Variants in SRBD1 observed in about 807,000 individuals in gnomAD.
SRBD1 encodes the protein S1 RNA binding domain 1, also known as S1 RNA-binding domain-containing protein 1.
In SRBD1, 88 loss-of-function variants were observed where a neutral mutation model predicts 115.3. That is an observed-to-expected ratio of 0.76 (90% CI 0.64 to 0.91). SRBD1 has a LOEUF of 0.91. Among genes scored for constraint, SRBD1 ranks in the 40% least tolerant of loss-of-function variants. The probability of loss-of-function intolerance (pLI) is 0.00; values close to 1 mark genes in which losing one functional copy is unlikely to be tolerated. For missense variants in SRBD1, 1,385 were observed against 1,177.4 expected (o/e 1.18, Z -2.58); for synonymous variants, 509 against 407.7 (o/e 1.25, Z -2.99).
intron 9 of SRBD1, among the ~76,000 whole-genome samples, chr2:45,572,934 C>A (rs1447005745): frequency 6.6e-6 from 1 of 152,066 alleles, no homozygotes; most frequent in Non-Finnish European, 1.5e-5. Flanking sequence ...GAAGCAGAGT[C>A]TAACAAAAAG....
chr2:45,605,392 A>C lies in SRBD1; in HGVS notation c.50T>G (p.Leu17Arg). Residue 17 changes from leucine to arginine, a missense_variant, in exon 2 of 21, where the codon CTG (leucine) becomes CGG (arginine). By Grantham distance (102) the Leu-to-Arg change is moderately radical. Transcript: ENST00000263736. ...RAKVQVQDVV[L>R]KDEFSSFSEL... ...AGAGAATGAAGAAAATTCATCTTTCAGTACCACATCCTGGACCTGTACTTT... is the reference window on the plus strand; with the variant it reads ...AGAGAATGAAGAAAATTCATCTTTCCGTACCACATCCTGGACCTGTACTTT... The C allele has an allele frequency of 6.2e-7, 1 of 1,613,788 alleles. No individual in the cohort carries two copies. The highest frequency in any genetic ancestry group is 1.7e-5 in the Admixed American group (1 of 60,016).
chr2:45,438,374 G>A (rs1668564192), intron 16 of SRBD1, among the ~76,000 whole-genome samples: 1 of 152,164 alleles, frequency 6.6e-6, no homozygotes, highest in African/African-American at 2.4e-5. Context: ...GCAGGCACAT[G>A]TGACCAATAA....
intron 15 of SRBD1, among the ~76,000 whole-genome samples, chr2:45,478,413 T>A (rs747183747): frequency 1.3e-5 from 2 of 152,210 alleles, no homozygotes; most frequent in Non-Finnish European, 2.9e-5. Context: ...CTTTTTCACA[T>A]CCTTTATTAC....
intron 14 of SRBD1, among the ~76,000 whole-genome samples, chr2:45,499,187 TCTAA>T (rs1488944154): frequency 1.1e-4 from 16 of 152,180 alleles, no homozygotes; most frequent in African/African-American, 3.6e-4. Context: ...GATAAGTCAT[TCTAA>T]CTGTGGTGAA....
At chr2:45,594,944 T>G (rs934768989) in intron 4 of SRBD1, among the ~76,000 whole-genome samples, 2 of 152,234 alleles carry the variant, frequency 1.3e-5, no homozygotes, top group African/African-American at 4.8e-5. Flanking sequence ...TATCTGTTAT[T>G]TTTCTATTTT....
At chr2:45,480,932 G>T (rs938577553) in intron 15 of SRBD1, among the ~76,000 whole-genome samples, 5 of 152,154 alleles carry the variant, frequency 3.3e-5, no homozygotes, top group African/African-American at 1.2e-4. Flanking sequence ...TTTGTGAGAG[G>T]AGAGTCCATT....
chr2:45,568,710 TTTTAA>T (rs1672913277), intron 9 of SRBD1, among the ~76,000 whole-genome samples: 1 of 152,128 alleles, frequency 6.6e-6, no homozygotes. Context: ...GAAGGCTAGG[TTTTAA>T]CAGAATAAAA....
chr2:45,525,064 G>A (rs1041977723), intron 14 of SRBD1, among the ~76,000 whole-genome samples: 2 of 151,810 alleles, frequency 1.3e-5, no homozygotes, highest in African/African-American at 4.8e-5. Context: ...ACAAATGTCG[G>A]TAGGACTACT....
chr2:45,569,489 A>T (rs1352451610), intron 9 of SRBD1: 1 of 152,238 alleles, frequency 6.6e-6, no homozygotes, highest in Non-Finnish European at 1.5e-5. Flanking sequence ...CCACCATGCA[A>T]AACAATTACA....
rs750721792 is a variant in SRBD1 at position 45,389,552 on chromosome 2, G to A, written c.2746C>T (p.Leu916=). Residue 916 remains leucine, a synonymous_variant, in exon 21 of 21, where the codon CTG becomes TTG. Coordinates refer to ENST00000263736, the MANE Select transcript of SRBD1 (RefSeq NM_018079.5). ...CCTGTAAGAACTGTCCCAATCTGCAGATCTTCCAGGCATACTATGCTTCTC... is the reference window on the plus strand; with the variant it reads ...CCTGTAAGAACTGTCCCAATCTGCAAATCTTCCAGGCATACTATGCTTCTC... ...FKRSIVCLED[L]QIGTVLTGKV... 1.2e-5 allele frequency: 19 copies of A among 1,613,880 alleles called. No homozygotes were observed. In the Admixed American group the frequency reaches 1.7e-4, roughly 14 times the overall value.
At chr2:45,412,312 G>C (rs758251415) in intron 19 of SRBD1, among the ~76,000 whole-genome samples, 2 of 151,976 alleles carry the variant, frequency 1.3e-5, no homozygotes, top group African/African-American at 2.4e-5. Flanking sequence ...GAACTAGTTG[G>C]ATGTTCACAG....
At chr2:45,499,848 G>C (rs1670572492) in intron 14 of SRBD1, among the ~76,000 whole-genome samples, 1 of 150,446 alleles carries the variant, frequency 6.6e-6, no homozygotes, top group South Asian at 2.1e-4. Context: ...TGTTCCATTG[G>C]TCTATGTGTC....
At chr2:45,460,221 G>A (rs887804171) in intron 16 of SRBD1, among the ~76,000 whole-genome samples, 4 of 152,152 alleles carry the variant, frequency 2.6e-5, no homozygotes, top group African/African-American at 7.2e-5. Flanking sequence ...CACTGGGTCA[G>A]TGTTCAGTTA....
chr2:45,418,540 G>A lies in SRBD1; in HGVS notation c.2158C>T (p.His720Tyr), dbSNP rs1436412168. ...INICSEVLLR[H>Y]IAGLNANRAK... Reference sequence around the variant, plus strand: ...CTGTTGGCATTGAGTCCTGCAATATGCCTAGAAAAAAAAAATAAGCAAACT... The same window carrying A: ...CTGTTGGCATTGAGTCCTGCAATATACCTAGAAAAAAAAAATAAGCAAACT... The change falls in exon 18 of 21, where the codon CAT (histidine) becomes TAT (tyrosine). Residue 720 changes from histidine to tyrosine, a missense_variant and splice_region_variant. Coordinates refer to ENST00000263736, the MANE Select transcript of SRBD1 (RefSeq NM_018079.5). 1 of 1,580,404 alleles carries A rather than the reference G, an allele frequency of 6.3e-7. No homozygotes were observed. Among genetic ancestry groups the A allele is most frequent in the African/African-American group, 1.4e-5 (1 of 72,050 alleles).
chr2:45,538,869 G>C (rs1051859290), intron 14 of SRBD1, among the ~76,000 whole-genome samples: 9 of 151,896 alleles, frequency 5.9e-5, no homozygotes, highest in African/African-American at 2.2e-4. Context: ...TTTCCTCTGG[G>C]TATTTTTCTG....
chr2:45,507,974 T>C (rs1338576736), intron 14 of SRBD1, among the ~76,000 whole-genome samples: 1 of 152,262 alleles, frequency 6.6e-6, no homozygotes, highest in East Asian at 1.9e-4. Context: ...CCTGGTCTAA[T>C]CTTACCTAAA....
Position 45,551,215 on chromosome 2 carries a change from G to T in SRBD1, c.1585C>A (p.Leu529Ile). 3.1e-6 allele frequency: 5 copies of T among 1,613,000 alleles called. No homozygotes were observed. The South Asian group carries it at 5.5e-5, about 18-fold the overall frequency. The change falls in exon 12 of 21, where the codon CTT becomes ATT. Residue 529 changes from leucine (L) to isoleucine (I), a missense_variant. Leu to Ile is a conservative substitution (Grantham distance 5). Coordinates refer to ENST00000263736, the MANE Select transcript of SRBD1 (RefSeq NM_018079.5). ...CGCCCTGGAACAGGGCTTGTTAAAA[G>T]GAGCTGACGAAGGTTCCGTCCAAAC... is the stretch of plus-strand genomic sequence containing the variant. ...MMFGRNLRQL[L>I]LTSPVPGRTL...
chr2:45,410,045 C>T (rs916082496), intron 19 of SRBD1, among the ~76,000 whole-genome samples: 1 of 151,928 alleles, frequency 6.6e-6, no homozygotes, highest in Non-Finnish European at 1.5e-5. Flanking sequence ...TTAAAACCCC[C>T]AAAACTCAAT....
intron 13 of SRBD1, 151 bp downstream of exon 13, chr2:45,547,371 T>C: frequency 1.6e-6 from 1 of 619,474 alleles, no homozygotes; most frequent in Non-Finnish European, 2.8e-6. Context: ...CATGCAGAGT[T>C]CTCCAGCAAT....
Sources: gnomAD v4.1 joint callset for allele counts (sites outside exome capture counted in the v4.1 genomes callset) on GRCh38, gnomAD v4.1.1 for gene constraint, MANE v1.5 for transcripts, NCBI Gene and HGNC (gene_info 2026-07-23, HGNC 2026-07-21) for gene names.